Variants in SRGAP1 observed in about 807,000 individuals in gnomAD.
The protein encoded by SRGAP1 is SLIT-ROBO Rho GTPase-activating protein 1.
SRGAP1 carries 43 observed loss-of-function variants against 121.9 expected under a neutral mutation model. The ratio of observed to expected loss-of-function variants is 0.35; its 90% CI spans 0.28 to 0.46. SRGAP1 has a LOEUF of 0.46. SRGAP1 is among the 20% of genes least tolerant of loss of function. The pLI is 1.00. For synonymous variants in SRGAP1, 447 were observed against 485.4 expected (o/e 0.92, Z 1.04); for missense variants, 1,102 against 1,350.9 (o/e 0.82, Z 2.89).
At chr12:64,129,001 C>T (rs906467031) in intron 21 of SRGAP1, among the ~76,000 whole-genome samples, 1 of 152,110 alleles carries the variant, frequency 6.6e-6, no homozygotes, top group African/African-American at 2.4e-5. Flanking sequence ...GGGTGGCTTA[C>T]ACCTGTAATC....
chr12:63,844,983 G>T lies in SRGAP1; in HGVS notation c.67+100G>T. 1 of 1,230,904 alleles carries T rather than the reference G, an allele frequency of 8.1e-7. No homozygotes were observed. Among genetic ancestry groups the T allele is most frequent in the Non-Finnish European group, 1.2e-6 (1 of 834,916 alleles). 76.2% of individuals were successfully genotyped at this position (1,230,904 alleles called of 1,614,324 possible). A position where few individuals can be genotyped will look rare whatever the true frequency, so the allele number is the denominator to read the frequency against. ...CTTGGTGTCTGCGTGGGAGGAAGGT[G>T]GTGAGGGGACAGCTCGAGCCCTGTC... On this transcript the variant is annotated intron_variant, in intron 1 of 21. Coordinates refer to ENST00000355086, the MANE Select transcript of SRGAP1 (RefSeq NM_020762.4). This position sits in a 1 kb window ranked among gnomAD's most constrained non-coding sequence, Gnocchi z 4.3.
At chr12:64,023,252 A>G (rs2034589246) in intron 4 of SRGAP1, among the ~76,000 whole-genome samples, 1 of 151,098 alleles carries the variant, frequency 6.6e-6, no homozygotes, top group Non-Finnish European at 1.5e-5. Context: ...CTAAGAAACT[A>G]CGTTGATAGT....
At chr12:63,939,797 G>A (rs1484235530) in intron 1 of SRGAP1, among the ~76,000 whole-genome samples, 1 of 152,146 alleles carries the variant, frequency 6.6e-6, no homozygotes, top group Admixed American at 6.5e-5. Context: ...CATGACCCTG[G>A]AAGGTGGCTC....
intron 1 of SRGAP1, among the ~76,000 whole-genome samples, chr12:63,949,576 T>C (rs1173239368): frequency 2.6e-5 from 4 of 151,848 alleles, no homozygotes; most frequent in East Asian, 1.9e-4. Flanking sequence ...TACAGGCGCC[T>C]GCCACCACGT....
intron 6 of SRGAP1, among the ~76,000 whole-genome samples, chr12:64,044,610 T>G (rs969761696): frequency 1.3e-5 from 2 of 151,354 alleles, no homozygotes; most frequent in Non-Finnish European, 2.9e-5. Flanking sequence ...CAGTTTGGGA[T>G]TTCTACAAAA....
In SRGAP1 at chr12:64,023,558, CTCAG is replaced by C. The variant is rs537489128; in HGVS notation, c.489+6551_489+6554del. Among the ~76,000 whole-genome samples, 289 of 152,298 alleles carry C rather than the reference CTCAG, an allele frequency of 1.9e-3. 1 individual carries two copies. The highest frequency in any genetic ancestry group is 3.5e-3 in the Non-Finnish European group (236 of 68,032). On this transcript the variant is annotated intron_variant, in intron 4 of 21. Transcript: ENST00000355086. ...TTTACAAAACAAGGAGTTGACCACT[CTCAG>C]TCAGCTAATTCTAATCAAGATTAAC...
At position 64,080,832 on chromosome 12, in the gene SRGAP1, A is replaced by AT. The variant is rs567842311; in HGVS notation, c.1408+469dup. The AT allele has an allele frequency of 5.2e-4, 105 of 200,234 alleles. 2 individuals carry two copies. In the East Asian group the frequency reaches 5.6e-3, roughly 11 times the overall value. 12.4% of individuals were successfully genotyped at this position (200,234 alleles called of 1,614,324 possible). Reference sequence around the variant, plus strand: ...GAAACCAGTTAAACCAGTTTGGGTGATTTTTTTCTTTCAGCAGGCATTGGC... The same window carrying AT: ...GAAACCAGTTAAACCAGTTTGGGTGATTTTTTTTCTTTCAGCAGGCATTGGC... On this transcript the variant is annotated intron_variant, in intron 10 of 21. Transcript: ENST00000355086.
chr12:63,972,627 A>T (rs2032987840), intron 1 of SRGAP1, among the ~76,000 whole-genome samples: 1 of 152,170 alleles, frequency 6.6e-6, no homozygotes, highest in Non-Finnish European at 1.5e-5. Context: ...AAATTTAGAA[A>T]CTTGTTATTT....
intron 3 of SRGAP1, among the ~76,000 whole-genome samples, chr12:63,993,990 G>T (rs1330298821): frequency 6.6e-6 from 1 of 152,230 alleles, no homozygotes; most frequent in African/African-American, 2.4e-5. Flanking sequence ...CAGCTTTTAG[G>T]TTCTGAAATC....
At position 64,080,386 on chromosome 12, in the gene SRGAP1, T is replaced by G; in HGVS notation, c.1408+16T>G. 1 of 1,592,142 alleles carries G rather than the reference T, an allele frequency of 6.3e-7. No individual in the cohort carries two copies. Among genetic ancestry groups the G allele is most frequent in the South Asian group, 1.1e-5 (1 of 90,444 alleles). On this transcript the variant is annotated intron_variant, in intron 10 of 21. Coordinates refer to ENST00000355086, the MANE Select transcript of SRGAP1 (RefSeq NM_020762.4). ...CTGGGAGAAGGTGAGTTATCCAAAA[T>G]GTATGGGAAGATGACCTGGATGATA... is the stretch of plus-strand genomic sequence containing the variant.
intron 21 of SRGAP1, among the ~76,000 whole-genome samples, chr12:64,136,138 C>G (rs2036852839): frequency 6.6e-6 from 1 of 152,192 alleles, no homozygotes; most frequent in African/African-American, 2.4e-5. Flanking sequence ...ATGTTAATGT[C>G]CTTTGGCAAC....
At chr12:63,878,844 C>T (rs1900105740) in intron 1 of SRGAP1, 2 of 152,156 alleles carry the variant, frequency 1.3e-5, no homozygotes, top group African/African-American at 2.4e-5. Flanking sequence ...AGTGCTAATT[C>T]TCACCTTGTT....
chr12:63,980,368 G>A lies in SRGAP1; in HGVS notation c.68-3579G>A, dbSNP rs933657665. Among the ~76,000 whole-genome samples the A allele has an allele frequency of 3.9e-5, 6 of 152,086 alleles. No homozygotes were observed. The South Asian group carries it at 8.3e-4, about 21-fold the overall frequency. The stretch of plus-strand genomic sequence containing the variant: ...TCTGCATGGCCCTTTGATCTGTTCC[G>A]AGCAGCAGACACAAATTTATGCGAC... On this transcript the variant is annotated intron_variant, in intron 1 of 21. Coordinates refer to ENST00000355086, the MANE Select transcript of SRGAP1 (RefSeq NM_020762.4).
intron 6 of SRGAP1, among the ~76,000 whole-genome samples, chr12:64,053,580 C>G (rs1404179161): frequency 6.6e-6 from 1 of 152,090 alleles, no homozygotes; most frequent in African/African-American, 2.4e-5. Flanking sequence ...CAAATAAGGA[C>G]TTTTATTATG....
chr12:64,085,159 C>T (rs2035915753), intron 10 of SRGAP1, among the ~76,000 whole-genome samples: 1 of 152,038 alleles, frequency 6.6e-6, no homozygotes, highest in South Asian at 2.1e-4. Flanking sequence ...ATACTAATAG[C>T]GTGACCTTGG....
intron 8 of SRGAP1, among the ~76,000 whole-genome samples, chr12:64,075,763 A>C (rs1338082797): frequency 6.6e-5 from 10 of 152,102 alleles, no homozygotes; most frequent in Admixed American, 6.5e-4. Context: ...TTTTTCCAAC[A>C]GTATCTACTC....
At chr12:63,979,016 A>G (rs962516254) in intron 1 of SRGAP1, among the ~76,000 whole-genome samples, 19 of 145,232 alleles carry the variant, frequency 1.3e-4, no homozygotes, top group African/African-American at 4.3e-4. Flanking sequence ...CTTGGGAGAA[A>G]TGTCTGTTGA....
intron 6 of SRGAP1, among the ~76,000 whole-genome samples, chr12:64,051,420 G>A (rs1357343607): frequency 6.6e-6 from 1 of 152,120 alleles, no homozygotes; most frequent in African/African-American, 2.4e-5. Flanking sequence ...TTGGAACTCA[G>A]CAACATCTGA....
Position 64,110,663 on chromosome 12 carries a change from C to A in SRGAP1, c.1920-1099C>A, listed in dbSNP as rs567808383. On this transcript the variant is annotated intron_variant, in intron 16 of 21. Transcript: ENST00000355086. ...TGAAGTATGTCTTTTGGAAATTAGG[C>A]CATTCTTATTCAGAATCTCCATTTT... Among the ~76,000 whole-genome samples the A allele has an allele frequency of 6.6e-5, 10 of 152,234 alleles. No homozygotes were observed. In the East Asian group the frequency reaches 1.9e-3, roughly 29 times the overall value.
Sources: allele counts gnomAD v4.1 joint callset (sites outside exome capture counted in the v4.1 genomes callset), GRCh38; gene constraint gnomAD v4.1.1; non-coding constraint Gnocchi (gnomAD v3.1); transcripts MANE v1.5; gene names NCBI Gene and HGNC (gene_info 2026-07-23, HGNC 2026-07-21).